Variants in FERMT2 observed in about 807,000 individuals in gnomAD.
The protein encoded by FERMT2 is fermitin family homolog 2.
In FERMT2, 15 loss-of-function variants were observed where a neutral mutation model predicts 82.7. The observed-to-expected ratio is 0.18, with a 90% CI of 0.12 to 0.28. The LOEUF (loss-of-function observed/expected upper bound fraction) is 0.28. Among genes scored for constraint, FERMT2 ranks in the 10% least tolerant of loss-of-function variants. FERMT2 has a pLI of 1.00. For missense variants in FERMT2, 645 were observed against 809.4 expected, an observed-to-expected ratio of 0.80 and a Z score of 2.46; for synonymous variants, 274 against 271.5, an observed-to-expected ratio of 1.01 and a Z score of -0.09.
intron 4 of FERMT2, 95 bp downstream of exon 4, chr14:52,893,198 C>T (rs1319817731): frequency 1.7e-6 from 2 of 1,188,938 alleles, no homozygotes; most frequent in Non-Finnish European, 2.3e-6. Flanking sequence ...GACCACTCTT[C>T]CTGACCTACA....
chr14:52,860,513 TG>T, intron 12 of FERMT2, 48 bp from the exon 13 acceptor site: 1 of 1,533,814 alleles, frequency 6.5e-7, no homozygotes, highest in Non-Finnish European at 8.8e-7. Context: ...TATTCTCTCA[TG>T]GGAGAACTGA....
At chr14:52,881,208 G>A in intron 5 of FERMT2, 36 bp downstream of exon 5, 2 of 1,597,758 alleles carry the variant, frequency 1.3e-6, no homozygotes, top group Non-Finnish European at 1.7e-6. Context: ...CTAGCTGGAT[G>A]AAGAAATTCA....
At chr14:52,937,105 T>C (rs142625722) in intron 2 of FERMT2, among the ~76,000 whole-genome samples, 1,794 of 152,180 alleles carry the variant, frequency 0.012, 51 homozygotes, top group East Asian at 0.074. Context: ...GAGGTTGCAG[T>C]GAGCTTAGAT....
chr14:52,868,780 T>C (rs375988956), intron 10 of FERMT2, among the ~76,000 whole-genome samples: 5 of 151,856 alleles, frequency 3.3e-5, no homozygotes, highest in Non-Finnish European at 7.4e-5. Flanking sequence ...ACCCCAAGAG[T>C]TGGAGATAAG....
chr14:52,885,949 A>G (rs761027458), intron 4 of FERMT2, among the ~76,000 whole-genome samples: 6 of 151,928 alleles, frequency 3.9e-5, no homozygotes, highest in Non-Finnish European at 7.4e-5. Context: ...ATGTAAAACA[A>G]TATGGTTTTA....
At chr14:52,885,848 T>C (rs933692676) in intron 4 of FERMT2, among the ~76,000 whole-genome samples, 2 of 152,138 alleles carry the variant, frequency 1.3e-5, no homozygotes, top group South Asian at 2.1e-4. Flanking sequence ...TTTTATGGTA[T>C]TATTTTTATA....
chr14:52,937,501 A>T (rs1464352506), intron 2 of FERMT2, among the ~76,000 whole-genome samples: 1 of 152,114 alleles, frequency 6.6e-6, no homozygotes, highest in Non-Finnish European at 1.5e-5. Context: ...GTTATTACTC[A>T]CGACTCTAAA....
At chr14:52,871,312 G>C (rs1885608343) in intron 10 of FERMT2, 1 of 152,248 alleles carries the variant, frequency 6.6e-6, no homozygotes, top group Non-Finnish European at 1.5e-5. Context: ...GAGGACTGTG[G>C]AACAGACAGT....
chr14:52,887,324 G>A (rs1886671388), intron 4 of FERMT2, among the ~76,000 whole-genome samples: 1 of 151,822 alleles, frequency 6.6e-6, no homozygotes, highest in African/African-American at 2.4e-5. Context: ...ACCAGCCTGG[G>A]AAACATGGCA....
In FERMT2 at chr14:52,920,911, G is replaced by A. The variant is rs1013482253; in HGVS notation, c.158-1555C>T. ...TGCAGTGAGCTGTGATTGCACCACC[G>A]TACTCCAGCCTGGGTGACAGAGCGA... On this transcript the variant is annotated intron_variant, in intron 2 of 14. Transcript: ENST00000341590. Among the ~76,000 whole-genome samples, 16 of 150,906 alleles carry A rather than the reference G, an allele frequency of 1.1e-4. No individual in the cohort carries two copies. In the East Asian group the frequency reaches 2.7e-3, roughly 26 times the overall value.
intron 12 of FERMT2, chr14:52,861,087 CA>C: frequency 6.9e-7 from 1 of 1,451,876 alleles, no homozygotes; most frequent in Non-Finnish European, 9.1e-7. Context: ...AAAAAAAAGG[CA>C]ATCAGAAAAA....
chr14:52,885,513 T>A (rs909641438), intron 4 of FERMT2, among the ~76,000 whole-genome samples: 5 of 152,094 alleles, frequency 3.3e-5, no homozygotes, highest in African/African-American at 1.2e-4. Context: ...TTAAAATGCA[T>A]CTGAGGCAGC....
chr14:52,913,024 TTGAA>T (rs138887122), intron 3 of FERMT2, among the ~76,000 whole-genome samples: 142 of 152,354 alleles, frequency 9.3e-4, no homozygotes, highest in African/African-American at 2.0e-3. Context: ...ATTTTGATCC[TTGAA>T]TGAAAGATAG....
intron 12 of FERMT2, chr14:52,860,963 TATGA>T: frequency 7.5e-7 from 1 of 1,335,026 alleles, no homozygotes; most frequent in African/African-American, 1.5e-5. Context: ...AGGTTGTGGC[TATGA>T]ATTTTTATTT....
At chr14:52,886,002 G>A (rs1026280154) in intron 4 of FERMT2, among the ~76,000 whole-genome samples, 1 of 150,092 alleles carries the variant, frequency 6.7e-6, no homozygotes, top group Non-Finnish European at 1.5e-5. Flanking sequence ...ATAAAGGGAA[G>A]TAACACATTA....
intron 2 of FERMT2, among the ~76,000 whole-genome samples, chr14:52,943,427 T>C (rs1398663496): frequency 6.6e-6 from 1 of 152,158 alleles, no homozygotes; most frequent in Admixed American, 6.6e-5. Flanking sequence ...TTGGTGGCTG[T>C]TCTGTATATC....
chr14:52,891,639 G>A (rs1886939726), intron 4 of FERMT2, among the ~76,000 whole-genome samples: 1 of 152,162 alleles, frequency 6.6e-6, no homozygotes, highest in Non-Finnish European at 1.5e-5. Context: ...CACAGTAAGT[G>A]CTCTGTGAGT....
intron 2 of FERMT2, among the ~76,000 whole-genome samples, chr14:52,926,831 A>T (rs1952091): frequency 0.73 from 111,211 of 151,996 alleles, 40,838 homozygotes; most frequent in South Asian, 0.81. Flanking sequence ...TTCTTTTAAG[A>T]CAAGAACTAC....
chr14:52,924,811 G>A (rs1889159198), intron 2 of FERMT2, among the ~76,000 whole-genome samples: 1 of 152,124 alleles, frequency 6.6e-6, no homozygotes, highest in African/African-American at 2.4e-5. Flanking sequence ...GACCCAAGGA[G>A]TATTTTTAGC....
Sources: gnomAD v4.1 joint callset for allele counts (sites outside exome capture counted in the v4.1 genomes callset) on GRCh38, gnomAD v4.1.1 for gene constraint, MANE v1.5 for transcripts, NCBI Gene and HGNC (gene_info 2026-07-23, HGNC 2026-07-21) for gene names.